Variants in SCHIP1 observed in about 807,000 individuals in gnomAD.
SCHIP1 encodes the protein schwannomin interacting protein 1.
Under a neutral mutation model 29.7 loss-of-function variants are expected in SCHIP1, and 8 were observed. That is an observed-to-expected ratio of 0.27 (90% CI 0.16 to 0.49). SCHIP1 has a LOEUF of 0.49. SCHIP1 is among the 20% of genes least tolerant of loss of function. The probability of loss-of-function intolerance (pLI) is 0.99; values close to 1 mark genes in which losing one functional copy is unlikely to be tolerated. For missense variants in SCHIP1, 193 were observed against 294.6 expected, an observed-to-expected ratio of 0.66 and a Z score of 2.52; for synonymous variants, 76 against 94.9, an observed-to-expected ratio of 0.80 and a Z score of 1.16.
chr3:159,808,211 G>A, the SCHIP1 span, among the ~76,000 whole-genome samples: 1 of 152,158 alleles, frequency 6.6e-6, no homozygotes, highest in Non-Finnish European at 1.5e-5. Flanking sequence ...TATAAGCAAG[G>A]ACTGCTCTGT....
chr3:159,685,128 A>G, the SCHIP1 span, among the ~76,000 whole-genome samples: 5 of 152,206 alleles, frequency 3.3e-5, no homozygotes, highest in African/African-American at 1.2e-4. Context: ...TTGGCCCCAG[A>G]AACATAGTCT....
chr3:159,737,024 A>G, the SCHIP1 span, among the ~76,000 whole-genome samples: 9,047 of 152,156 alleles, frequency 0.059, 339 homozygotes, highest in Middle Eastern at 0.099. Context: ...GTGAGCCACC[A>G]CGCCCGGCCA....
At chr3:159,875,707 T>C (rs1236661224) in intron 2 of SCHIP1, among the ~76,000 whole-genome samples, 1 of 152,222 alleles carries the variant, frequency 6.6e-6, no homozygotes, top group Non-Finnish European at 1.5e-5. Context: ...AGCCATGTTA[T>C]CTAAGGTTTA....
the SCHIP1 span, among the ~76,000 whole-genome samples, chr3:159,405,005 A>T: frequency 1.3e-5 from 2 of 152,166 alleles, no homozygotes; most frequent in African/African-American, 4.8e-5. Context: ...GGTAATGCAG[A>T]TGATTCCTCT....
At chr3:159,775,446 T>C in the SCHIP1 span, among the ~76,000 whole-genome samples, 3 of 152,190 alleles carry the variant, frequency 2.0e-5, no homozygotes, top group Non-Finnish European at 4.4e-5. Context: ...CCCCAGCTGA[T>C]TGGGTCATGC....
chr3:159,569,061 C>A, the SCHIP1 span, among the ~76,000 whole-genome samples: 5 of 152,120 alleles, frequency 3.3e-5, no homozygotes, highest in African/African-American at 1.2e-4. Flanking sequence ...TTGAAACCTA[C>A]CCAATGTATT....
chr3:159,334,864 G>T, the SCHIP1 span, among the ~76,000 whole-genome samples: 20 of 151,076 alleles, frequency 1.3e-4, no homozygotes, highest in African/African-American at 4.9e-4. Flanking sequence ...AGGTTTTTAT[G>T]TAGACATAAG....
At chr3:159,785,047 A>G in the SCHIP1 span, among the ~76,000 whole-genome samples, 4 of 152,256 alleles carry the variant, frequency 2.6e-5, no homozygotes, top group Non-Finnish European at 5.9e-5. Flanking sequence ...TAAATTAAGT[A>G]ACAGTCAAAA....
At chr3:159,640,018 TTAGTACAAAGCAA>T in the SCHIP1 span, among the ~76,000 whole-genome samples, 1 of 152,206 alleles carries the variant, frequency 6.6e-6, no homozygotes, top group Non-Finnish European at 1.5e-5. Flanking sequence ...TTTTTCCCAT[TTAGTACAAAGCAA>T]GTATCTTATC....
chr3:159,751,244 A>G, the SCHIP1 span, among the ~76,000 whole-genome samples: 1 of 152,234 alleles, frequency 6.6e-6, no homozygotes, highest in South Asian at 2.1e-4. Context: ...CCTGAGAGCT[A>G]CAAGTTTTTA....
chr3:159,429,739 G>A, the SCHIP1 span, among the ~76,000 whole-genome samples: 14 of 152,122 alleles, frequency 9.2e-5, no homozygotes, highest in African/African-American at 3.4e-4. Flanking sequence ...GTCCAACAGT[G>A]TAAAATAAAT....
At chr3:159,376,264 T>C in the SCHIP1 span, among the ~76,000 whole-genome samples, 4 of 152,308 alleles carry the variant, frequency 2.6e-5, no homozygotes, top group Non-Finnish European at 5.9e-5. Flanking sequence ...CAGCTTTTCA[T>C]GCTTTATGCA....
At chr3:159,368,135 T>G in the SCHIP1 span, among the ~76,000 whole-genome samples, 2 of 152,200 alleles carry the variant, frequency 1.3e-5, no homozygotes, top group Admixed American at 1.3e-4. Flanking sequence ...ACTTCTTAAG[T>G]GCACCCAACA....
At chr3:159,452,424 G>C in the SCHIP1 span, among the ~76,000 whole-genome samples, 3 of 152,112 alleles carry the variant, frequency 2.0e-5, no homozygotes, top group Admixed American at 6.5e-5. Context: ...TCCTGTGTTA[G>C]TTTGCTGAGA....
At chr3:159,762,988 CT>C in the SCHIP1 span, among the ~76,000 whole-genome samples, 11 of 152,218 alleles carry the variant, frequency 7.2e-5, no homozygotes, top group Admixed American at 6.5e-4. Flanking sequence ...ACATTCGCCC[CT>C]ACCCGCTTCC....
At chr3:159,542,508 C>T in the SCHIP1 span, among the ~76,000 whole-genome samples, 4 of 152,024 alleles carry the variant, frequency 2.6e-5, no homozygotes, top group Non-Finnish European at 5.9e-5. Context: ...TGAGCATAAT[C>T]ACTCAGAGAT....
At chr3:159,637,370 GCC>G in the SCHIP1 span, among the ~76,000 whole-genome samples, 3 of 69,270 alleles carry the variant, frequency 4.3e-5, no homozygotes, top group Non-Finnish European at 8.7e-5. Context: ...CCCGGCCCCA[GCC>G]ACACACACAC....
chr3:159,665,128 T>C, the SCHIP1 span, among the ~76,000 whole-genome samples: 2 of 152,190 alleles, frequency 1.3e-5, no homozygotes, highest in Admixed American at 1.3e-4. Context: ...CTAGCATTGG[T>C]ATTTTCTGAA....
the SCHIP1 span, among the ~76,000 whole-genome samples, chr3:159,330,951 G>A: frequency 1.3e-4 from 20 of 152,064 alleles, no homozygotes; most frequent in Non-Finnish European, 1.5e-4. Context: ...CCTATATGTA[G>A]GAGTTTCTAA....
Sources: allele counts gnomAD v4.1 joint callset (sites outside exome capture counted in the v4.1 genomes callset), GRCh38; gene constraint gnomAD v4.1.1; transcripts MANE v1.5; gene names NCBI Gene and HGNC (gene_info 2026-07-23, HGNC 2026-07-21).